The following PER3 variants were observed in gnomAD, a reference collection of about 807,000 sequenced individuals.
PER3 encodes period circadian protein homolog 3.
PER3 carries 107 observed loss-of-function variants against 127.2 expected under a neutral mutation model. The observed-to-expected ratio is 0.84, with a 90% confidence interval of 0.72 to 0.99. The LOEUF (loss-of-function observed/expected upper bound fraction) is 0.99, where lower values mean the gene tolerates loss of function less well. Among genes scored for constraint, PER3 ranks in the 50% least tolerant of loss-of-function variants. The pLI is 0.00. For synonymous variants in PER3, 618 were observed against 585.8 expected (o/e 1.05, Z -0.79); for missense variants, 1,560 against 1,525.8 (o/e 1.02, Z -0.37).
At chr1:7,836,503 A>ATTATT (rs2097359299) in intron 20 of PER3, among the ~76,000 whole-genome samples, 1 of 152,196 alleles carries the variant, frequency 6.6e-6, no homozygotes, top group Admixed American at 6.5e-5. Context: ...GTGTTTTTAA[A>ATTATT]GACAAAATAA....
chr1:7,791,127 T>A (rs1439863465), intron 5 of PER3, among the ~76,000 whole-genome samples: 1 of 152,246 alleles, frequency 6.6e-6, no homozygotes, highest in East Asian at 1.9e-4. Flanking sequence ...CAGTGAAGAC[T>A]GTGTGGGCTC....
At chr1:7,834,928 G>A (rs982287619) in intron 19 of PER3, among the ~76,000 whole-genome samples, 8 of 152,162 alleles carry the variant, frequency 5.3e-5, no homozygotes, top group African/African-American at 1.2e-4. Context: ...GATCCATAAG[G>A]CTTCATATCA....
At chr1:7,792,664 A>C (rs2150526690) in intron 5 of PER3, among the ~76,000 whole-genome samples, 1 of 152,292 alleles carries the variant, frequency 6.6e-6, no homozygotes, top group Middle Eastern at 3.4e-3. Context: ...ATAGAACATC[A>C]AGAGGACTTA....
chr1:7,787,040 G>A (rs1184522232), intron 4 of PER3, among the ~76,000 whole-genome samples: 1 of 152,218 alleles, frequency 6.6e-6, no homozygotes, highest in African/African-American at 2.4e-5. Flanking sequence ...CGTTCTGTGT[G>A]CTGTGCAGCT....
chr1:7,784,631 T>A, intron 1 of PER3, 23 bp from the exon 2 acceptor site: 1 of 389,110 alleles, frequency 2.6e-6, no homozygotes, highest in Non-Finnish European at 4.6e-6. Context: ...TTGTCCCTTG[T>A]CACCCTTGTC....
At chr1:7,811,358 A>G (rs1008205219) in intron 13 of PER3, 3 of 152,224 alleles carry the variant, frequency 2.0e-5, no homozygotes, top group African/African-American at 7.2e-5. Flanking sequence ...AGGACTTGAC[A>G]TGATTTACAC....
At chr1:7,830,653 G>A (rs568515977) in intron 19 of PER3, among the ~76,000 whole-genome samples, 2 of 152,320 alleles carry the variant, frequency 1.3e-5, no homozygotes, top group Non-Finnish European at 2.9e-5. Context: ...TGAGTTTTGT[G>A]TATGGTATGA....
At chr1:7,816,015 A>AAAAAAAAATTG (rs1558436913) in intron 13 of PER3, among the ~76,000 whole-genome samples, 1 of 148,360 alleles carries the variant, frequency 6.7e-6, no homozygotes, top group African/African-American at 2.5e-5. Context: ...AAAAAAAAAA[A>AAAAAAAAATTG]AATTGAATTG....
At chr1:7,836,488 T>G (rs2097359287) in intron 20 of PER3, among the ~76,000 whole-genome samples, 1 of 152,206 alleles carries the variant, frequency 6.6e-6, no homozygotes, top group Admixed American at 6.5e-5. Context: ...CTATGGTTTC[T>G]TAATGTGTTT....
chr1:7,817,930 A>C (rs1168309391), intron 13 of PER3, among the ~76,000 whole-genome samples: 1 of 152,194 alleles, frequency 6.6e-6, no homozygotes. Flanking sequence ...AACCTGAGAG[A>C]CACCATGTTA....
At chr1:7,827,989 T>C (rs752920254) in intron 18 of PER3, among the ~76,000 whole-genome samples, 174 bp downstream of exon 18, 99 of 152,328 alleles carry the variant, frequency 6.5e-4, no homozygotes, top group Non-Finnish European at 8.8e-4. Context: ...CCTGGCTCTG[T>C]TTGGAAAGTA....
intron 18 of PER3, among the ~76,000 whole-genome samples, chr1:7,828,683 G>T (rs1399917665): frequency 1.3e-5 from 2 of 152,204 alleles, no homozygotes; most frequent in Non-Finnish European, 2.9e-5. Flanking sequence ...TCAAATCCCA[G>T]CTCGGTCACT....
At chr1:7,833,233 A>G (rs2097341495) in intron 19 of PER3, among the ~76,000 whole-genome samples, 1 of 152,234 alleles carries the variant, frequency 6.6e-6, no homozygotes, top group Admixed American at 6.5e-5. Flanking sequence ...TTTGAAAAGA[A>G]TATGCTTTCT....
Position 7,801,161 on chromosome 1 carries a change from C to T in PER3, c.842C>T (p.Pro281Leu), listed in dbSNP as rs1468604938. 2 of 1,601,102 alleles carry T rather than the reference C, an allele frequency of 1.2e-6. No homozygotes were observed. The highest frequency in any genetic ancestry group is 1.3e-5 in the African/African-American group (1 of 74,428). ...NKRIFTTTHTPGCVFLEVDEK... is the reference protein window; with the variant it reads ...NKRIFTTTHTLGCVFLEVDEK... The stretch of plus-strand genomic sequence containing the variant: ...AGAATCTTCACCACCACACACACCC[C>T]AGGGTGTGTTTTTCTTGAAGTAGAT... The change falls in exon 8 of 22, where the codon CCA becomes CTA. Residue 281 changes from proline to leucine, a missense_variant. By Grantham distance (98) the Pro-to-Leu change is moderately conservative. Transcript: ENST00000377532.
At chr1:7,785,316 A>T in intron 2 of PER3, 125 bp from the exon 3 acceptor site, 2 of 729,784 alleles carry the variant, frequency 2.7e-6, no homozygotes, top group Admixed American at 2.7e-5. Flanking sequence ...AAGAGGGGTC[A>T]CCACCCTGTG....
intron 21 of PER3, among the ~76,000 whole-genome samples, chr1:7,842,031 C>G (rs1222395896): frequency 2.0e-5 from 3 of 152,232 alleles, no homozygotes; most frequent in East Asian, 3.9e-4. Flanking sequence ...TGTTACTGTC[C>G]TGAATACTGT....
chr1:7,828,500 T>C (rs1006711363), intron 18 of PER3, among the ~76,000 whole-genome samples: 8 of 152,256 alleles, frequency 5.3e-5, no homozygotes, highest in African/African-American at 1.9e-4. Context: ...CACAGATTTT[T>C]CTTTGACCTT....
At position 7,786,635 on chromosome 1, in the gene PER3, A is replaced by G; in HGVS notation, c.275-86A>G. The G allele has an allele frequency of 6.7e-6, 5 of 742,538 alleles. No homozygotes were observed. The South Asian group carries it at 8.0e-5, about 12-fold the overall frequency. The allele number at this position is 742,538 out of a possible 1,614,324, so 46.0% of individuals were successfully genotyped here. A position where few individuals can be genotyped will look rare whatever the true frequency, so the allele number is the denominator to read the frequency against. ...GCACTGAGGTGTTCTCATCCGAAAA[A>G]AATAATCCAGCTTGATAGTGATGAA... On this transcript the variant is annotated intron_variant, in intron 3 of 21. Transcript: ENST00000377532.
chr1:7,800,672 T>C (rs1405117477), intron 7 of PER3, among the ~76,000 whole-genome samples: 1 of 151,956 alleles, frequency 6.6e-6, no homozygotes, highest in Non-Finnish European at 1.5e-5. Context: ...ATTAAATGAT[T>C]TATGATGAGC....
Sources: gnomAD v4.1 joint callset for allele counts (sites outside exome capture counted in the v4.1 genomes callset) on GRCh38, gnomAD v4.1.1 for gene constraint, MANE v1.5 for transcripts, NCBI Gene and HGNC (gene_info 2026-07-23, HGNC 2026-07-21) for gene names.